Variants in RAX observed in about 807,000 individuals in gnomAD.
RAX encodes retinal homeobox protein Rx.
In RAX, 11 loss-of-function variants were observed where a neutral mutation model predicts 17.4. The ratio of observed to expected loss-of-function variants is 0.63; its 90% CI spans 0.40 to 1.05. The LOEUF (loss-of-function observed/expected upper bound fraction) is 1.05. Ranked by LOEUF, RAX falls within the 50% of genes least tolerant of loss-of-function variation. The pLI is 0.00. For synonymous variants in RAX, 276 were observed against 254.7 expected, an observed-to-expected ratio of 1.08 and a Z score of -0.80; for missense variants, 527 against 501.1, an observed-to-expected ratio of 1.05 and a Z score of -0.49.
At chr18:59,272,897 C>G (rs753355091) in intron 1 of RAX, 21 bp downstream of exon 1, 1 of 1,490,770 alleles carries the variant, frequency 6.7e-7, no homozygotes, top group South Asian at 1.4e-5. Flanking sequence ...CGGCCTCGCA[C>G]AGCCAGGGGT....
intron 1 of RAX, 108 bp from the exon 2 acceptor site, chr18:59,272,722 C>T (rs1489319662): frequency 6.9e-6 from 10 of 1,440,476 alleles, no homozygotes; most frequent in East Asian, 4.9e-5. Context: ...TCCGAGATGG[C>T]CCGGGGAGGT....
rs1273056761 is a variant in RAX, at chr18:59,272,927, C to T, written c.280G>A (p.Glu94Lys). 7 of 1,469,876 alleles carry T rather than the reference C, an allele frequency of 4.8e-6. No individual in the cohort carries two copies. Among genetic ancestry groups the T allele is most frequent in the Non-Finnish European group, 5.3e-6 (6 of 1,128,766 alleles). The allele number at this position is 1,469,876 out of a possible 1,614,324, so 91.1% of individuals were successfully genotyped here. The change falls in exon 1 of 3, where the codon GAG becomes AAG. Residue 94 changes from glutamate (E) to lysine (K), a missense_variant. By Grantham distance (56) the Glu-to-Lys change is moderately conservative (BLOSUM62 1). Transcript: ENST00000334889. ...AGGGGTGCGCACTCACCTTCGTACT[C>T]GGGGGCGGGCGCCGGGGCTGGCGGC... Reference protein sequence around the residue: ...SPPPAPAPAPEYEAPRPYCPK... With the variant: ...SPPPAPAPAPKYEAPRPYCPK...
In RAX at chr18:59,272,434, T is replaced by G. The variant is rs377063417; in HGVS notation, c.470A>C (p.Lys157Thr). 1.2e-5 allele frequency: 20 copies of G among 1,614,118 alleles called. No homozygotes were observed. The highest frequency in any genetic ancestry group is 1.5e-5 in the Non-Finnish European group (18 of 1,180,050). ...GCTGTACACGTCCGGGTAGTGGGAC[T>G]TCTCGAACGCGCGCTCCAGCTCATG... ...QLHELERAFE[K>T]SHYPDVYSRE... Residue 157 changes from lysine (K) to threonine (T), a missense_variant, in exon 2 of 3, where the codon AAG becomes ACG. Coordinates refer to ENST00000334889, the MANE Select transcript of RAX (RefSeq NM_013435.3).
rs1365690588 is a variant in RAX at position 59,272,354 on chromosome 18, G to C, written c.543+7C>G. ...CAGATCCCAGTTCCTCAACCTGGGCGCTTTACCTGGACCCGGACCTCTGGT... is the reference window on the plus strand; with the variant it reads ...CAGATCCCAGTTCCTCAACCTGGGCCCTTTACCTGGACCCGGACCTCTGGT... On this transcript the variant is annotated splice_region_variant and intron_variant, in intron 2 of 2. Coordinates refer to ENST00000334889, the MANE Select transcript of RAX (RefSeq NM_013435.3). The C allele has an allele frequency of 2.5e-6, 4 of 1,614,092 alleles. No homozygotes were observed. Among genetic ancestry groups the C allele is most frequent in the Non-Finnish European group, 3.4e-6 (4 of 1,180,048 alleles).
Position 59,273,402 on chromosome 18 carries a change from A to G in RAX, c.-196T>C. 1.6e-6 allele frequency: 1 copy of G among 610,402 alleles called. No homozygotes were observed. Among genetic ancestry groups the G allele is most frequent in the Non-Finnish European group, 2.7e-6 (1 of 370,758 alleles). The allele number at this position is 610,402 out of a possible 1,614,324, so 37.8% of individuals were successfully genotyped here. ...TGCCGCCTTAGTCCCAGAAGTCGGA[A>G]GTTCGGGCTCGGGGTAGCTGGGGCT... On this transcript the variant is annotated 5_prime_UTR_variant, in exon 1 of 3. Coordinates refer to ENST00000334889, the MANE Select transcript of RAX (RefSeq NM_013435.3).
Position 59,269,255 on chromosome 18 carries a change from C to A in RAX, c.790G>T (p.Gly264Trp). 6.7e-7 allele frequency: 1 copy of A among 1,498,620 alleles called. No individual in the cohort carries two copies. The highest frequency in any genetic ancestry group is 1.3e-5 in the South Asian group (1 of 79,922). 92.8% of individuals were successfully genotyped at this position (1,498,620 alleles called of 1,614,324 possible). The change falls in exon 3 of 3, where the codon GGG (glycine) becomes TGG (tryptophan). Residue 264 changes from glycine (G) to tryptophan (W), a missense_variant. Transcript: ENST00000334889. ...ATALQSLPGF[G>W]PPAQSLPASY... is the part of the protein sequence containing the mutation. ...GCAGGCAGGCTCTGCGCCGGCGGCC[C>A]GAAGCCCGGCAGGCTCTGCAGCGCC...
rs773633175 is a variant in RAX, at chr18:59,272,495, G to A, written c.409C>T (p.Arg137Trp). Reference protein sequence around the residue: ...SEEEQPKKKHRRNRTTFTTYQ... With the variant: ...SEEEQPKKKHWRNRTTFTTYQ... ...GTGGTGAAAGTCGTGCGGTTCCGCCGATGCTTTTTCTTGGGCTGTTCCTCC... is the reference window on the plus strand; with the variant it reads ...GTGGTGAAAGTCGTGCGGTTCCGCCAATGCTTTTTCTTGGGCTGTTCCTCC... Residue 137 changes from arginine to tryptophan, a missense_variant, in exon 2 of 3, where the codon CGG (arginine) becomes TGG (tryptophan). Coordinates refer to ENST00000334889, the MANE Select transcript of RAX (RefSeq NM_013435.3). The A allele has an allele frequency of 1.2e-6, 2 of 1,614,260 alleles. No individual in the cohort carries two copies. Among genetic ancestry groups the A allele is most frequent in the Non-Finnish European group, 1.7e-6 (2 of 1,180,050 alleles).
At chr18:59,269,600 C>G in intron 2 of RAX, 99 bp from the exon 3 acceptor site, 2 of 1,384,048 alleles carry the variant, frequency 1.4e-6, no homozygotes, top group Non-Finnish European at 9.8e-7. Flanking sequence ...ACTCCGTCCC[C>G]CTCAAATAAA....
chr18:59,273,377 T>C lies in RAX; in HGVS notation c.-171A>G. On this transcript the variant is annotated 5_prime_UTR_variant, in exon 1 of 3. Transcript: ENST00000334889. ...GGGGGTGGCCGAGCGCTCAGCCCGC[T>C]GCCGCCTTAGTCCCAGAAGTCGGAA... is the stretch of plus-strand genomic sequence containing the variant. 1 of 687,928 alleles carries C rather than the reference T, an allele frequency of 1.5e-6. No individual in the cohort carries two copies. The allele number at this position is 687,928 out of a possible 1,614,324, so 42.6% of individuals were successfully genotyped here.
Position 59,273,406 on chromosome 18 carries a change from C to T in RAX, c.-200G>A. ...GCCTTAGTCCCAGAAGTCGGAAGTT[C>T]GGGCTCGGGGTAGCTGGGGCTCTCG... On this transcript the variant is annotated 5_prime_UTR_variant, in exon 1 of 3. Coordinates refer to ENST00000334889, the MANE Select transcript of RAX (RefSeq NM_013435.3). 1 of 598,794 alleles carries T rather than the reference C, an allele frequency of 1.7e-6. No individual in the cohort carries two copies. The highest frequency in any genetic ancestry group is 2.8e-6 in the Non-Finnish European group (1 of 360,828). The allele number at this position is 598,794 out of a possible 1,614,324, so 37.1% of individuals were successfully genotyped here.
Position 59,268,840 on chromosome 18 carries a change from C to T in RAX, c.*164G>A. 1.7e-6 allele frequency: 2 copies of T among 1,193,572 alleles called. No individual in the cohort carries two copies. Among genetic ancestry groups the T allele is most frequent in the Non-Finnish European group, 2.3e-6 (2 of 856,988 alleles). The allele number at this position is 1,193,572 out of a possible 1,614,324, so 73.9% of individuals were successfully genotyped here. ...CAGGCCTGAAAGTCGCCCTTCTCCC[C>T]GTGCATCGGGAGCAGGCGCGTGGCC... On this transcript the variant is annotated 3_prime_UTR_variant, in exon 3 of 3. Transcript: ENST00000334889. This position sits in a 1 kb window ranked among gnomAD's most constrained non-coding sequence, Gnocchi z 4.4.
chr18:59,272,133 G>C (rs566428150), intron 2 of RAX, among the ~76,000 whole-genome samples: 1 of 152,318 alleles, frequency 6.6e-6, no homozygotes, highest in Admixed American at 6.5e-5. Context: ...GAGTTTAGAA[G>C]AGGGAAACCC....
Position 59,272,982 on chromosome 18 carries a change from C to A in RAX, c.225G>T (p.Lys75Asn). The A allele has an allele frequency of 6.6e-7, 1 of 1,523,286 alleles. No individual in the cohort carries two copies. The highest frequency in any genetic ancestry group is 1.2e-5 in the South Asian group (1 of 83,080). The allele number at this position is 1,523,286 out of a possible 1,614,324, so 94.4% of individuals were successfully genotyped here. ...AGGGCTCGGAGCCTTCCTCGGGCGC[C>A]TTGGGGCAGGCGGGCCGCGCGCCCA... ...RRLGARPACP[K>N]APEEGSEPSP... The change falls in exon 1 of 3, where the codon AAG becomes AAT. Residue 75 changes from lysine (K) to asparagine (N), a missense_variant. By Grantham distance (94) the Lys-to-Asn change is moderately conservative. Transcript: ENST00000334889.
At position 59,272,982 on chromosome 18, in the gene RAX, C is replaced by T; in HGVS notation, c.225G>A (p.Lys75=). The part of the protein sequence containing the change: ...RRLGARPACP[K]APEEGSEPSP... ...AGGGCTCGGAGCCTTCCTCGGGCGC[C>T]TTGGGGCAGGCGGGCCGCGCGCCCA... Residue 75 remains lysine (K), a synonymous_variant, in exon 1 of 3, where the codon AAG becomes AAA. Transcript: ENST00000334889. The T allele has an allele frequency of 6.6e-7, 1 of 1,523,286 alleles. No homozygotes were observed. Among genetic ancestry groups the T allele is most frequent in the South Asian group, 1.2e-5 (1 of 83,080 alleles). The allele number at this position is 1,523,286 out of a possible 1,614,324, so 94.4% of individuals were successfully genotyped here. A position where few individuals can be genotyped will look rare whatever the true frequency, so the allele number is the denominator to read the frequency against.
In RAX at chr18:59,273,037, G is replaced by A. The variant is rs368193212; in HGVS notation, c.170C>T (p.Ala57Val). Residue 57 changes from alanine to valine, a missense_variant, in exon 1 of 3, where the codon GCC becomes GTC. Physicochemically the swap from Ala to Val is moderately conservative, Grantham distance 64 (BLOSUM62 0). Coordinates refer to ENST00000334889, the MANE Select transcript of RAX (RefSeq NM_013435.3). ...ILGTFPAERGARGAKERDRRL... is the reference protein window; with the variant it reads ...ILGTFPAERGVRGAKERDRRL... Reference sequence around the variant, plus strand: ...CCTATCCCGCTCCTTCGCGCCCCGGGCGCCCCGCTCCGCCGGGAAGGTGCC... The same window carrying A: ...CCTATCCCGCTCCTTCGCGCCCCGGACGCCCCGCTCCGCCGGGAAGGTGCC... 40 of 1,534,522 alleles carry A rather than the reference G, an allele frequency of 2.6e-5. No homozygotes were observed. The East Asian group carries it at 9.3e-4, about 36-fold the overall frequency.
rs2070292617 is a variant in RAX, at chr18:59,267,713, GA to G, written c.*1290del. ...CGCCCAGCTTCCAGTGTCAACGGTG[GA>G]TATCGAGCACGCTCAGGCGGGAGTC... On this transcript the variant is annotated 3_prime_UTR_variant, in exon 3 of 3. Coordinates refer to ENST00000334889, the MANE Select transcript of RAX (RefSeq NM_013435.3). The G allele has an allele frequency of 6.6e-6, 1 of 151,786 alleles. No individual in the cohort carries two copies. Among genetic ancestry groups the G allele is most frequent in the Non-Finnish European group, 1.5e-5 (1 of 67,980 alleles). 9.4% of individuals were successfully genotyped at this position (151,786 alleles called of 1,614,324 possible). A position where few individuals can be genotyped will look rare whatever the true frequency, so the allele number is the denominator to read the frequency against.
At chr18:59,270,375 A>G (rs1173991327) in intron 2 of RAX, among the ~76,000 whole-genome samples, 2 of 152,224 alleles carry the variant, frequency 1.3e-5, no homozygotes, top group East Asian at 1.9e-4. Context: ...CCTTAGCTCA[A>G]TGACAAGGTT....
Position 59,268,875 on chromosome 18 carries a change from G to T in RAX, c.*129C>A. 6.8e-7 allele frequency: 1 copy of T among 1,473,480 alleles called. No individual in the cohort carries two copies. The highest frequency in any genetic ancestry group is 9.3e-7 in the Non-Finnish European group (1 of 1,078,872). 91.3% of individuals were successfully genotyped at this position (1,473,480 alleles called of 1,614,324 possible). A position where few individuals can be genotyped will look rare whatever the true frequency, so the allele number is the denominator to read the frequency against. Reference sequence around the variant, plus strand: ...GAGCAGGCGCGTGGCCCTGAACTATGCTTGGCGGGTGGCTGCAGGCGACAG... The same window carrying T: ...GAGCAGGCGCGTGGCCCTGAACTATTCTTGGCGGGTGGCTGCAGGCGACAG... On this transcript the variant is annotated 3_prime_UTR_variant, in exon 3 of 3. Coordinates refer to ENST00000334889, the MANE Select transcript of RAX (RefSeq NM_013435.3). The surrounding 1 kb of genome is among the most constrained non-coding windows in gnomAD (Gnocchi z 4.4).
chr18:59,269,732 CTCTCTCTT>C (rs1484311652), intron 2 of RAX, among the ~76,000 whole-genome samples: 6 of 111,356 alleles, frequency 5.4e-5, no homozygotes, highest in African/African-American at 2.2e-4. Flanking sequence ...CTCTCTCTCT[CTCTCTCTT>C]TTTTTTTTTT....
Sources: allele counts gnomAD v4.1 joint callset (sites outside exome capture counted in the v4.1 genomes callset), GRCh38; gene constraint gnomAD v4.1.1; non-coding constraint Gnocchi (gnomAD v3.1); transcripts MANE v1.5; gene names NCBI Gene and HGNC (gene_info 2026-07-23, HGNC 2026-07-21).